The following ZNF600 variants were observed in gnomAD, a reference collection of about 807,000 sequenced individuals.
The protein encoded by ZNF600 is zinc finger protein 600, also known as zinc finger protein KR-ZNF1.
In ZNF600, 4 loss-of-function variants were observed where a neutral mutation model predicts 7.3. The observed-to-expected ratio is 0.55, with a 90% CI of 0.27 to 1.25. The LOEUF is 1.25. Ranked by LOEUF, ZNF600 falls within the 50% of genes most tolerant of loss-of-function variation. The probability of loss-of-function intolerance (pLI) is 0.12; values close to 1 mark genes in which losing one functional copy is unlikely to be tolerated. For missense variants in ZNF600, 911 were observed against 922.1 expected (o/e 0.99, Z 0.16); for synonymous variants, 290 against 308.9 (o/e 0.94, Z 0.64).
rs3029479 is a variant in ZNF600 at position 52,765,443 on chromosome 19, AGT to A, written c.*142_*143del. 3,839 of 1,237,930 alleles carry A rather than the reference AGT, an allele frequency of 3.1e-3. 89 individuals carry two copies. In the African/African-American group the frequency reaches 0.049, roughly 16 times the overall value. The allele number at this position is 1,237,930 out of a possible 1,614,324, so 76.7% of individuals were successfully genotyped here. A position where few individuals can be genotyped will look rare whatever the true frequency, so the allele number is the denominator to read the frequency against. On this transcript the variant is annotated 3_prime_UTR_variant, in exon 4 of 4. Transcript: ENST00000648973. ...ATTTGTAAGGTTTCTCTCCAGTATG[AGT>A]GTGTCAATGAACTGCAATGTATGAA...
At chr19:52,799,381 T>C in the ZNF600 span, 1 of 595,280 alleles carries the variant, frequency 1.7e-6, no homozygotes, top group African/African-American at 1.9e-5. Flanking sequence ...TGCATTTTCT[T>C]ATGTGTTTCA....
At chr19:52,792,745 AT>A in the ZNF600 span, among the ~76,000 whole-genome samples, 15 of 150,138 alleles carry the variant, frequency 1.0e-4, no homozygotes, top group Non-Finnish European at 5.9e-5. Context: ...TATTTATTTT[AT>A]TTTTGAGACG....
chr19:52,803,209 T>C, the ZNF600 span, among the ~76,000 whole-genome samples: 1 of 152,210 alleles, frequency 6.6e-6, no homozygotes, highest in African/African-American at 2.4e-5. Flanking sequence ...TCTGAGCACC[T>C]GGGAATGCAG....
the ZNF600 span, among the ~76,000 whole-genome samples, chr19:52,820,145 C>G: frequency 1.8e-3 from 174 of 97,214 alleles, 12 homozygotes; most frequent in East Asian, 0.021. Flanking sequence ...GAGTCTCGCT[C>G]TGTCGTCCAG....
At chr19:52,787,854 C>T (rs1232303875), upstream of ZNF600, among the ~76,000 whole-genome samples, 4 of 110,322 alleles carry the variant, frequency 3.6e-5, no homozygotes, top group African/African-American at 1.1e-4. Flanking sequence ...AGCGAGGCTA[C>T]GTCTCAAAAA....
At chr19:52,775,476 A>G (rs1216091366) in intron 2 of ZNF600, among the ~76,000 whole-genome samples, 1 of 148,212 alleles carries the variant, frequency 6.7e-6, no homozygotes, top group East Asian at 2.1e-4. Context: ...CATGAATCCG[A>G]GAGGTGGAGG....
chr19:52,802,962 T>C, the ZNF600 span, among the ~76,000 whole-genome samples: 2 of 152,036 alleles, frequency 1.3e-5, no homozygotes, highest in African/African-American at 4.8e-5. Flanking sequence ...AGGGTTTCAC[T>C]GTGTTAGCCA....
chr19:52,830,042 AGTG>A, the ZNF600 span, among the ~76,000 whole-genome samples: 64,654 of 151,578 alleles, frequency 0.43, 15,840 homozygotes, highest in Non-Finnish European at 0.57. Flanking sequence ...GGAAGACCGC[AGTG>A]GGTGGATCAC....
At chr19:52,817,860 A>G in the ZNF600 span, 1 of 1,597,816 alleles carries the variant, frequency 6.3e-7, no homozygotes, top group Admixed American at 1.7e-5. Context: ...AGGACACTTC[A>G]GACTCAGAGA....
chr19:52,773,726 G>C (rs1477001551), intron 3 of ZNF600, among the ~76,000 whole-genome samples: 1 of 151,930 alleles, frequency 6.6e-6, no homozygotes, highest in African/African-American at 2.4e-5. Context: ...TAAAATATTA[G>C]CCCGGCATGG....
At chr19:52,833,446 TC>T in the ZNF600 span, among the ~76,000 whole-genome samples, 25 of 152,204 alleles carry the variant, frequency 1.6e-4, no homozygotes, top group African/African-American at 5.8e-4. Flanking sequence ...AGTGAACCTG[TC>T]AGGCAAAATG....
At chr19:52,829,185 T>TTTA in the ZNF600 span, among the ~76,000 whole-genome samples, 2 of 24,442 alleles carry the variant, frequency 8.2e-5, no homozygotes, top group Admixed American at 5.1e-4. Context: ...TTTTTCTTTT[T>TTTA]TTATTTTATT....
chr19:52,783,644 A>G lies in ZNF600; in HGVS notation c.-20+2951T>C, dbSNP rs898681235. Reference sequence around the variant, plus strand: ...CCAAAGTGCTGGGATTACAAGCGTGAGCCACTGCACCTGGCCTCCCTTCGG... The same window carrying G: ...CCAAAGTGCTGGGATTACAAGCGTGGGCCACTGCACCTGGCCTCCCTTCGG... On this transcript the variant is annotated intron_variant, in intron 1 of 3. Transcript: ENST00000648973. 4.5e-4 allele frequency among the ~76,000 whole-genome samples: 68 copies of G among 152,176 alleles called. 3 individuals carry two copies.
At chr19:52,804,557 G>A in the ZNF600 span, among the ~76,000 whole-genome samples, 66 of 152,158 alleles carry the variant, frequency 4.3e-4, 2 homozygotes, top group Non-Finnish European at 1.2e-4. Flanking sequence ...TTTTAGTAGA[G>A]ACAGGGTTTC....
chr19:52,799,574 A>T, the ZNF600 span: 6 of 1,545,498 alleles, frequency 3.9e-6, no homozygotes, highest in South Asian at 3.5e-5. Flanking sequence ...TTGAATTGTG[A>T]TGGAAGGTGT....
chr19:52,798,862 T>A, the ZNF600 span: 1 of 1,323,248 alleles, frequency 7.6e-7, no homozygotes, highest in East Asian at 3.1e-5. Context: ...CAAGTTTCCC[T>A]ATACTATGGA....
the ZNF600 span, among the ~76,000 whole-genome samples, chr19:52,791,875 C>A: frequency 6.6e-6 from 1 of 152,216 alleles, no homozygotes; most frequent in South Asian, 2.1e-4. Flanking sequence ...CAAACCCCAT[C>A]CAGAGGACAG....
At chr19:52,781,134 C>T (rs1379523748) in intron 1 of ZNF600, 79 bp from the exon 3 acceptor site, 1 of 150,996 alleles carries the variant, frequency 6.6e-6, no homozygotes, top group Non-Finnish European at 1.5e-5. Context: ...TCTAATTACC[C>T]CGTTTTTGTT....
chr19:52,801,647 T>A, the ZNF600 span: 4 of 1,613,500 alleles, frequency 2.5e-6, no homozygotes, highest in East Asian at 8.9e-5. Context: ...GGAACGCTTC[T>A]GTATTGCCTT....
Sources: allele counts gnomAD v4.1 joint callset (sites outside exome capture counted in the v4.1 genomes callset), GRCh38; gene constraint gnomAD v4.1.1; transcripts MANE v1.5; gene names NCBI Gene and HGNC (gene_info 2026-07-23, HGNC 2026-07-21).